MACROD2: variants seen among roughly 807,000 people sequenced by gnomAD.
The protein encoded by MACROD2 is mono-ADP ribosylhydrolase 2.
A neutral mutation model predicts 70.4 loss-of-function variants in MACROD2; 36 were observed. The ratio of observed to expected loss-of-function variants is 0.51; its 90% CI spans 0.39 to 0.68. The LOEUF (loss-of-function observed/expected upper bound fraction) is 0.68, where lower values mean the gene tolerates loss of function less well. Ranked by LOEUF, MACROD2 falls within the 30% of genes least tolerant of loss-of-function variation. The pLI is 0.00. For synonymous variants in MACROD2, 172 were observed against 178.8 expected, an observed-to-expected ratio of 0.96 and a Z score of 0.30; for missense variants, 496 against 538.4, an observed-to-expected ratio of 0.92 and a Z score of 0.78.
At chr20:14,290,507 ATTT>A (rs11350359) in intron 3 of MACROD2, among the ~76,000 whole-genome samples, 148 of 133,144 alleles carry the variant, frequency 1.1e-3, no homozygotes, top group Admixed American at 3.5e-3. Context: ...AGGTAGCTGT[ATTT>A]TTTTTTTTTT....
chr20:15,796,045 G>A lies in MACROD2; in HGVS notation c.646-66700G>A, dbSNP rs534872561. 3.9e-5 allele frequency among the ~76,000 whole-genome samples: 6 copies of A among 152,254 alleles called. No homozygotes were observed. In the South Asian group the frequency reaches 1.2e-3, roughly 32 times the overall value. On this transcript the variant is annotated intron_variant, in intron 8 of 17. Transcript: ENST00000684519. ...CTTTGAAGGGCAGCATTTCAGTGGG[G>A]GTGCATCTGTTAAAAGACTGTGTTG...
chr20:15,016,254 A>G (rs557809595), intron 5 of MACROD2, among the ~76,000 whole-genome samples: 3 of 152,290 alleles, frequency 2.0e-5, no homozygotes, highest in Non-Finnish European at 4.4e-5. Context: ...ATACAATCAC[A>G]TGTTATGGGT....
chr20:14,463,395 G>A (rs1385962512), intron 3 of MACROD2, among the ~76,000 whole-genome samples: 1 of 151,994 alleles, frequency 6.6e-6, no homozygotes, highest in East Asian at 1.9e-4. Context: ...TGTATCCTGA[G>A]ACTTTGCTGA....
intron 8 of MACROD2, among the ~76,000 whole-genome samples, chr20:15,720,615 CCT>C (rs2050774594): frequency 6.6e-6 from 1 of 152,114 alleles, no homozygotes; most frequent in Non-Finnish European, 1.5e-5. Flanking sequence ...GGTTTCCTGT[CCT>C]AGAATGTCTG....
chr20:15,372,679 T>C (rs1382943611), intron 6 of MACROD2, among the ~76,000 whole-genome samples: 1 of 152,218 alleles, frequency 6.6e-6, no homozygotes, highest in Admixed American at 6.5e-5. Flanking sequence ...AGACAGATTT[T>C]AAAATTATGT....
At chr20:15,283,597 G>T (rs1191688259) in intron 6 of MACROD2, among the ~76,000 whole-genome samples, 1 of 152,138 alleles carries the variant, frequency 6.6e-6, no homozygotes, top group African/African-American at 2.4e-5. Flanking sequence ...GCTTGAACCT[G>T]GGAGGCAGAG....
intron 5 of MACROD2, among the ~76,000 whole-genome samples, chr20:14,940,382 G>A (rs2074380045): frequency 1.3e-5 from 2 of 152,118 alleles, no homozygotes; most frequent in South Asian, 4.2e-4. Context: ...CAATCTGGAT[G>A]TCTTTTATTT....
At chr20:15,014,893 T>C (rs550252909) in intron 5 of MACROD2, among the ~76,000 whole-genome samples, 26 of 152,250 alleles carry the variant, frequency 1.7e-4, no homozygotes, top group African/African-American at 6.3e-4. Context: ...CTTTTTTTGA[T>C]GCGATCCCCC....
At chr20:15,369,387 T>C (rs1043283285) in intron 6 of MACROD2, among the ~76,000 whole-genome samples, 34 of 152,360 alleles carry the variant, frequency 2.2e-4, no homozygotes, top group African/African-American at 7.9e-4. Context: ...TTAATAATAA[T>C]GATCAAGCTT....
chr20:14,186,004 A>G (rs990866529), intron 3 of MACROD2, among the ~76,000 whole-genome samples: 2 of 152,178 alleles, frequency 1.3e-5, no homozygotes, highest in African/African-American at 4.8e-5. Flanking sequence ...AGCCTAGTAC[A>G]TAGGCATGTG....
chr20:15,480,297 C>T (rs1048521194), intron 7 of MACROD2, among the ~76,000 whole-genome samples: 10 of 152,128 alleles, frequency 6.6e-5, no homozygotes, highest in Non-Finnish European at 1.2e-4. Context: ...TGGTGCCCGC[C>T]GCTTCTTAAC....
chr20:14,439,779 A>G (rs969867139), intron 3 of MACROD2, among the ~76,000 whole-genome samples: 1 of 152,238 alleles, frequency 6.6e-6, no homozygotes, highest in Admixed American at 6.5e-5. Flanking sequence ...AAAGAACTGA[A>G]TAAGTATTAG....
rs377656322 is a variant in MACROD2, at chr20:14,841,660, A to T, written c.418+156701A>T. 6.6e-5 allele frequency among the ~76,000 whole-genome samples: 10 copies of T among 152,248 alleles called. No homozygotes were observed. In the South Asian group the frequency reaches 1.9e-3, roughly 28 times the overall value. The stretch of plus-strand genomic sequence containing the variant: ...TTGTATTTCAGCTTGAATATCCTTC[A>T]TCAAGGCAGTTACTGCAAAACAATG... On this transcript the variant is annotated intron_variant, in intron 5 of 17. Transcript: ENST00000684519.
At chr20:16,044,849 G>A (rs1002941787) in intron 17 of MACROD2, among the ~76,000 whole-genome samples, 1 of 152,140 alleles carries the variant, frequency 6.6e-6, no homozygotes, top group Non-Finnish European at 1.5e-5. Context: ...ATGAGCTACA[G>A]CACATTCAAA....
intron 3 of MACROD2, among the ~76,000 whole-genome samples, chr20:14,169,547 G>A (rs1384678129): frequency 2.0e-5 from 3 of 151,892 alleles, no homozygotes; most frequent in South Asian, 2.1e-4. Flanking sequence ...CAGGTGATCC[G>A]CCTGCCTCAG....
chr20:15,878,179 C>T (rs1367914731), intron 9 of MACROD2, among the ~76,000 whole-genome samples: 1 of 152,080 alleles, frequency 6.6e-6, no homozygotes, highest in East Asian at 1.9e-4. Flanking sequence ...CATAAGAAAG[C>T]ATACAGTATC....
At chr20:15,787,055 C>T (rs1315889275) in intron 8 of MACROD2, among the ~76,000 whole-genome samples, 1 of 151,042 alleles carries the variant, frequency 6.6e-6, no homozygotes, top group South Asian at 2.1e-4. Flanking sequence ...TCACTGCAAC[C>T]TCTGCCTCCT....
At chr20:15,692,534 C>T (rs1356501684) in intron 8 of MACROD2, among the ~76,000 whole-genome samples, 1 of 152,118 alleles carries the variant, frequency 6.6e-6, no homozygotes, top group East Asian at 1.9e-4. Context: ...AATTCAAGAG[C>T]AGAGGTCCCA....
At chr20:14,335,771 G>A (rs1457438778) in intron 3 of MACROD2, among the ~76,000 whole-genome samples, 1 of 152,050 alleles carries the variant, frequency 6.6e-6, no homozygotes, top group Non-Finnish European at 1.5e-5. Context: ...TTTTGGTTGT[G>A]CTCTTCAAAA....
Sources: allele counts gnomAD v4.1 joint callset (sites outside exome capture counted in the v4.1 genomes callset), GRCh38; gene constraint gnomAD v4.1.1; transcripts MANE v1.5; gene names NCBI Gene and HGNC (gene_info 2026-07-23, HGNC 2026-07-21).